Variants in SLC34A3 observed in about 807,000 individuals in gnomAD.
The protein encoded by SLC34A3 is sodium-dependent phosphate transport protein 2C.
A neutral mutation model predicts 43.9 loss-of-function variants in SLC34A3; 60 were observed. The ratio of observed to expected loss-of-function variants is 1.37; its 90% CI spans 1.11 to 1.70. The LOEUF (loss-of-function observed/expected upper bound fraction) is 1.70, where lower values mean the gene tolerates loss of function less well. Among genes scored for constraint, SLC34A3 ranks in the 40% most tolerant of loss-of-function variants. SLC34A3 has a pLI of 0.00. For synonymous variants in SLC34A3, 451 were observed against 386.2 expected (o/e 1.17, Z -1.97); for missense variants, 969 against 823.8 (o/e 1.18, Z -2.16).
At chr9:137,235,852 C>A in intron 12 of SLC34A3, 100 bp from the exon 13 acceptor site, 3 of 1,085,012 alleles carry the variant, frequency 2.8e-6, no homozygotes, top group South Asian at 1.3e-5. Flanking sequence ...GAACTTCAGA[C>A]TTGGCGCTCC....
chr9:137,236,487 T>C lies in SLC34A3; in HGVS notation c.*71T>C. ...GCTCTGGAGGGCCCTGGAGGGGGGG[T>C]CCCCGCGGCAGCTGACCTCCGGTCA... On this transcript the variant is annotated 3_prime_UTR_variant, in exon 13 of 13. Coordinates refer to ENST00000673835, the MANE Select transcript of SLC34A3 (RefSeq NM_001177316.2). 1.5e-6 allele frequency: 2 copies of C among 1,340,708 alleles called. No homozygotes were observed. The highest frequency in any genetic ancestry group is 2.1e-6 in the Non-Finnish European group (2 of 972,072). 83.1% of individuals were successfully genotyped at this position (1,340,708 alleles called of 1,614,324 possible). A position where few individuals can be genotyped will look rare whatever the true frequency, so the allele number is the denominator to read the frequency against.
intron 3 of SLC34A3, 53 bp downstream of exon 3, chr9:137,232,214 G>A (rs552056628): frequency 2.0e-6 from 3 of 1,535,746 alleles, no homozygotes; most frequent in Non-Finnish European, 1.8e-6. Flanking sequence ...GTCCCCAACG[G>A]GACTGGGGAG....
intron 1 of SLC34A3, among the ~76,000 whole-genome samples, chr9:137,231,263 C>T (rs1298038167): frequency 1.3e-5 from 2 of 152,116 alleles, no homozygotes; most frequent in Non-Finnish European, 2.9e-5. Context: ...CTTATCAAGC[C>T]GAGACGTCAC....
At position 137,233,675 on chromosome 9, in the gene SLC34A3, A is replaced by C. The variant is rs145899150; in HGVS notation, c.799A>C (p.Thr267Pro). 615 of 1,612,626 alleles carry C rather than the reference A, an allele frequency of 3.8e-4. No individual in the cohort carries two copies. Among genetic ancestry groups the C allele is most frequent in the Non-Finnish European group, 4.7e-4 (556 of 1,179,962 alleles). The change falls in exon 8 of 13, where the codon ACT (threonine) becomes CCT (proline). Residue 267 changes from threonine to proline, a missense_variant. Physicochemically the swap from Thr to Pro is conservative, Grantham distance 38 (BLOSUM62 -1). Coordinates refer to ENST00000673835, the MANE Select transcript of SLC34A3 (RefSeq NM_001177316.2). The stretch of plus-strand genomic sequence containing the variant: ...CATGAGCAGTGCCACAGGCAACGCC[A>C]CTAACAGCAGTCTCATTAAGCACTG... ...MIMSSATGNATNSSLIKHWCG... is the reference protein window; with the variant it reads ...MIMSSATGNAPNSSLIKHWCG...
In SLC34A3 at chr9:137,232,120, G is replaced by A; in HGVS notation, c.134G>A (p.Trp45Ter). ...PVLEEGDTDP[W>*]TLPQLKDTSQ... ...TTGGAGGAAGGGGACACAGACCCCT[G>A]GACCCTCCCTCAGCTGAAGGACACA... Residue 45 changes from tryptophan to a stop codon, truncating the protein, a stop_gained, in exon 3 of 13, where the codon TGG becomes TAG. Coordinates refer to ENST00000673835, the MANE Select transcript of SLC34A3 (RefSeq NM_001177316.2). LOFTEE classifies it high-confidence loss of function. 6.2e-7 allele frequency: 1 copy of A among 1,613,176 alleles called. No individual in the cohort carries two copies. Among genetic ancestry groups the A allele is most frequent in the Non-Finnish European group, 8.5e-7 (1 of 1,180,018 alleles).
chr9:137,233,125 G>C lies in SLC34A3; in HGVS notation c.560+10G>C, dbSNP rs201317245. 8.4e-4 allele frequency: 1,351 copies of C among 1,605,296 alleles called. 9 individuals are homozygous for C. In the African/African-American group the frequency reaches 0.012, roughly 15 times the overall value. On this transcript the variant is annotated intron_variant, in intron 6 of 12. Transcript: ENST00000673835. ...GGGATGAATTTCAGAGGTGAGTTGT[G>C]GGTGGAAGGGCTGGGCTGGGGCTGC...
chr9:137,232,553 A>C (rs1476581574), intron 3 of SLC34A3, 22 bp from the exon 4 acceptor site: 1 of 1,611,082 alleles, frequency 6.2e-7, no homozygotes, highest in South Asian at 1.1e-5. Flanking sequence ...CCAGCCAGGG[A>C]CAGCCTGCCC....
Position 137,233,267 on chromosome 9 carries a change from C to T in SLC34A3, c.619C>T (p.Leu207=), listed in dbSNP as rs762053748. The change falls in exon 7 of 13, where the codon CTG becomes TTG. Residue 207 remains leucine (L), a synonymous_variant. Transcript: ENST00000673835. ...CAACTGGCTCACAGTGCTGGTCCTGCTGCCACTGGAGAGCGCCACGGCCCT... is the reference window on the plus strand; with the variant it reads ...CAACTGGCTCACAGTGCTGGTCCTGTTGCCACTGGAGAGCGCCACGGCCCT... ...IFNWLTVLVL[L]PLESATALLE... The T allele has an allele frequency of 6.3e-6, 10 of 1,582,420 alleles. No individual in the cohort carries two copies. Among genetic ancestry groups the T allele is most frequent in the Non-Finnish European group, 8.6e-6 (10 of 1,164,368 alleles).
chr9:137,232,182 G>C, intron 3 of SLC34A3, 21 bp downstream of exon 3: 2 of 1,609,422 alleles, frequency 1.2e-6, no homozygotes, highest in Non-Finnish European at 1.7e-6. Context: ...AGGTTCCGGG[G>C]GTGGCAGGCT....
In SLC34A3 at chr9:137,231,693, C is replaced by T. The variant is rs1385364804; in HGVS notation, c.-10C>T. The T allele has an allele frequency of 5.6e-6, 9 of 1,612,398 alleles. No individual in the cohort carries two copies. The highest frequency in any genetic ancestry group is 5.3e-5 in the African/African-American group (4 of 74,888). Reference sequence around the variant, plus strand: ...AGACCTGGGCCTGGGTCTGTCCCTGCCCGAAATCCATGCCGAGTTCCCTTC... The same window carrying T: ...AGACCTGGGCCTGGGTCTGTCCCTGTCCGAAATCCATGCCGAGTTCCCTTC... On this transcript the variant is annotated 5_prime_UTR_variant, in exon 2 of 13. Coordinates refer to ENST00000673835, the MANE Select transcript of SLC34A3 (RefSeq NM_001177316.2).
Position 137,236,293 on chromosome 9 carries a change from G to T in SLC34A3, c.1677G>T (p.Leu559=). The part of the protein sequence containing the change: ...WAWLPVWLHS[L]EPWDRLVTRC... ...GGCTCCCCGTCTGGCTCCATTCTCT[G>T]GAGCCCTGGGACCGCCTGGTGACCC... The change falls in exon 13 of 13, where the codon CTG becomes CTT. Residue 559 remains leucine (L), a synonymous_variant. Transcript: ENST00000673835. 6.5e-7 allele frequency: 1 copy of T among 1,543,186 alleles called. No individual in the cohort carries two copies. The highest frequency in any genetic ancestry group is 1.2e-5 in the South Asian group (1 of 84,162).
chr9:137,233,032 C>T lies in SLC34A3; in HGVS notation c.477C>T (p.Ile159=), dbSNP rs116743582. The part of the protein sequence containing the change: ...KLLTVRVSVP[I]IMGVNVGTSI... ...TGACTGTCCGGGTGTCTGTGCCCAT[C>T]ATCATGGGTGTCAACGTAGGCACAT... is the stretch of plus-strand genomic sequence containing the variant. The change falls in exon 6 of 13, where the codon ATC becomes ATT. Residue 159 remains isoleucine, a synonymous_variant. Transcript: ENST00000673835. The T allele has an allele frequency of 1.4e-3, 2,229 of 1,612,050 alleles. 23 individuals carry two copies. The African/African-American group carries it at 0.025, about 18-fold the overall frequency.
Position 137,232,711 on chromosome 9 carries a change from A to ACGGGACGGGTGCCCAGGG in SLC34A3, c.304+13_304+30dup. 6.2e-7 allele frequency: 1 copy of ACGGGACGGGTGCCCAGGG among 1,612,908 alleles called. No individual in the cohort carries two copies. The highest frequency in any genetic ancestry group is 8.5e-7 in the Non-Finnish European group (1 of 1,179,942). ...CCTTCCAGCTGCTGGGCAGTGAGTG[A>ACGGGACGGGTGCCCAGGG]CGGGACGGGTGCCCAGGGCGGGGCG... On this transcript the variant is annotated intron_variant, in intron 4 of 12. Coordinates refer to ENST00000673835, the MANE Select transcript of SLC34A3 (RefSeq NM_001177316.2).
chr9:137,232,734 G>C (rs769631018), intron 4 of SLC34A3, 31 bp downstream of exon 4: 2 of 1,612,932 alleles, frequency 1.2e-6, no homozygotes, highest in East Asian at 4.5e-5. Flanking sequence ...CCAGGGCGGG[G>C]CGGGCAACCA....
At position 137,236,331 on chromosome 9, in the gene SLC34A3, GCAACGTCTGCAGCCCC is replaced by G. The variant is rs1182218551; in HGVS notation, c.1717_1732del (p.Asn573ArgfsTer63). 2.6e-6 allele frequency: 4 copies of G among 1,541,984 alleles called. No homozygotes were observed. The highest frequency in any genetic ancestry group is 3.5e-6 in the Non-Finnish European group (4 of 1,146,784). The stretch of plus-strand genomic sequence containing the variant: ...CGCCTGGTGACCCGCTGCTGCCCCT[GCAACGTCTGCAGCCCC>G]CCGAAGGCCACCACCAAAGAGGCCT... On this transcript the variant is annotated frameshift_variant, in exon 13 of 13. Coordinates refer to ENST00000673835, the MANE Select transcript of SLC34A3 (RefSeq NM_001177316.2). LOFTEE classifies it low-confidence loss of function (END_TRUNC).
chr9:137,234,573 G>A lies in SLC34A3; in HGVS notation c.1211-34G>A. On this transcript the variant is annotated intron_variant, in intron 11 of 12. Transcript: ENST00000673835. The surrounding 1 kb of genome is among the most constrained non-coding windows in gnomAD (Gnocchi z 6.9). ...AGAGGCCTCGGGAACGGGGGCTCGG[G>A]CTGGGGTCCTGTGGTGACTCCCAGT... 6.2e-7 allele frequency: 1 copy of A among 1,610,708 alleles called. No homozygotes were observed. The highest frequency in any genetic ancestry group is 8.5e-7 in the Non-Finnish European group (1 of 1,178,856).
At chr9:137,230,097 G>A (rs905866766), upstream of SLC34A3, among the ~76,000 whole-genome samples, 2 of 152,280 alleles carry the variant, frequency 1.3e-5, no homozygotes, top group Admixed American at 6.5e-5. Context: ...GGCACCAGCA[G>A]CCCCTGGGCA....
intron 12 of SLC34A3, among the ~76,000 whole-genome samples, chr9:137,235,661 G>A (rs1049289866): frequency 6.6e-6 from 1 of 152,236 alleles, no homozygotes; most frequent in Non-Finnish European, 1.5e-5. Context: ...CACAGGCAGA[G>A]CCAGGTCGGA....
In SLC34A3 at chr9:137,235,940, C is replaced by T; in HGVS notation, c.1336-12C>T. 6.2e-7 allele frequency: 1 copy of T among 1,610,766 alleles called. No individual in the cohort carries two copies. ...GTTGGGCCCAGGCCCCTGACAGCCC[C>T]CTCGCCCCCAGGTCGCCCTCATCCA... On this transcript the variant is annotated splice_polypyrimidine_tract_variant and intron_variant, in intron 12 of 12. Coordinates refer to ENST00000673835, the MANE Select transcript of SLC34A3 (RefSeq NM_001177316.2).
Sources: gnomAD v4.1 joint callset for allele counts (sites outside exome capture counted in the v4.1 genomes callset) on GRCh38, gnomAD v4.1.1 for gene constraint, Gnocchi (gnomAD v3.1) non-coding constraint, MANE v1.5 for transcripts, NCBI Gene and HGNC (gene_info 2026-07-23, HGNC 2026-07-21) for gene names.